Variants in TMEM50B observed in about 807,000 individuals in gnomAD.
TMEM50B encodes the protein HCV p7-trans-regulated protein 3.
A neutral mutation model predicts 23.4 loss-of-function variants in TMEM50B; 14 were observed. That is an observed-to-expected ratio of 0.60 (90% CI 0.39 to 0.93). The LOEUF (loss-of-function observed/expected upper bound fraction) is 0.93. Ranked by LOEUF, TMEM50B falls within the 40% of genes least tolerant of loss-of-function variation. The pLI is 0.00. For missense variants in TMEM50B, 159 were observed against 193.0 expected (o/e 0.82, Z 1.04); for synonymous variants, 64 against 62.3 (o/e 1.03, Z -0.13).
chr21:33,455,981 T>C, intron 5 of TMEM50B, 197 bp from the exon 6 acceptor site: 1 of 705,840 alleles, frequency 1.4e-6, no homozygotes, highest in East Asian at 2.7e-5. Context: ...GCTCTTACTC[T>C]GGATAAAAGT....
At chr21:33,473,457 GAAAA>G (rs35814774) in intron 1 of TMEM50B, among the ~76,000 whole-genome samples, 5 of 84,856 alleles carry the variant, frequency 5.9e-5, no homozygotes, top group Non-Finnish European at 4.4e-5. Context: ...TGTCTCGGAA[GAAAA>G]AAAAAAAAAA....
At chr21:33,453,239 A>AC (rs745723549) in intron 6 of TMEM50B, among the ~76,000 whole-genome samples, 4 of 151,996 alleles carry the variant, frequency 2.6e-5, no homozygotes, top group Non-Finnish European at 5.9e-5. Flanking sequence ...CCAGGCATGC[A>AC]CCACCATGCC....
chr21:33,471,817 C>T (rs961816476), intron 1 of TMEM50B, among the ~76,000 whole-genome samples: 1 of 151,908 alleles, frequency 6.6e-6, no homozygotes, highest in Non-Finnish European at 1.5e-5. Context: ...AGGCGGATCA[C>T]GAGGTCAGGA....
chr21:33,433,181 C>T (rs756332452), intron 8 of TMEM50B, among the ~76,000 whole-genome samples: 1 of 152,108 alleles, frequency 6.6e-6, no homozygotes, highest in African/African-American at 2.4e-5. Context: ...CCACTGCGCC[C>T]GGCCACGCAG....
chr21:33,461,388 T>C (rs1419060515), intron 4 of TMEM50B, among the ~76,000 whole-genome samples: 1 of 152,216 alleles, frequency 6.6e-6, no homozygotes, highest in African/African-American at 2.4e-5. Context: ...TTATCTAAAT[T>C]TTATTACAAT....
intron 6 of TMEM50B, among the ~76,000 whole-genome samples, chr21:33,454,081 C>T (rs1349254855): frequency 2.0e-5 from 2 of 99,380 alleles, no homozygotes; most frequent in Non-Finnish European, 3.6e-5. Flanking sequence ...TCAGCCTGGG[C>T]AACAGAGCGA....
At chr21:33,444,803 CAAAAA>C (rs60816843), downstream of TMEM50B, among the ~76,000 whole-genome samples, 5 of 96,304 alleles carry the variant, frequency 5.2e-5, no homozygotes, top group East Asian at 9.4e-4. Context: ...CATCTCTTTA[CAAAAA>C]AAAAAAAAAA....
At chr21:33,433,462 TAC>T (rs973770886) in intron 8 of TMEM50B, among the ~76,000 whole-genome samples, 1 of 152,228 alleles carries the variant, frequency 6.6e-6, no homozygotes, top group Non-Finnish European at 1.5e-5. Context: ...TGACACATCC[TAC>T]CACACACATG....
chr21:33,440,585 AAAT>A (rs947756409), intron 7 of TMEM50B, among the ~76,000 whole-genome samples: 2 of 151,226 alleles, frequency 1.3e-5, no homozygotes, highest in African/African-American at 2.4e-5. Flanking sequence ...TCTGTCTCAA[AAAT>A]AATAATAAAA....
chr21:33,451,847 C>T (rs202049422), intron 6 of TMEM50B, among the ~76,000 whole-genome samples: 1 of 139,136 alleles, frequency 7.2e-6, no homozygotes, highest in African/African-American at 2.8e-5. Flanking sequence ...CCAAGAACAG[C>T]TTTAAGAGAC....
chr21:33,436,028 T>G (rs903992029), intron 8 of TMEM50B, among the ~76,000 whole-genome samples: 1 of 151,722 alleles, frequency 6.6e-6, no homozygotes, highest in African/African-American at 2.4e-5. Context: ...GCCACTGCAC[T>G]CCAGCCTGGG....
intron 7 of TMEM50B, among the ~76,000 whole-genome samples, chr21:33,443,254 A>T (rs1171631009): frequency 6.6e-6 from 1 of 152,190 alleles, no homozygotes; most frequent in Non-Finnish European, 1.5e-5. Flanking sequence ...GTGTTTCTTG[A>T]CTATTTACTT....
chr21:33,478,190 A>C (rs2084391748), intron 1 of TMEM50B, among the ~76,000 whole-genome samples: 2 of 151,928 alleles, frequency 1.3e-5, no homozygotes, highest in African/African-American at 4.8e-5. Flanking sequence ...TTAAAAGGCC[A>C]GGCGCGGTGC....
intron 3 of TMEM50B, 131 bp from the exon 4 acceptor site, chr21:33,465,540 T>A (rs2084257952): frequency 3.1e-6 from 2 of 638,848 alleles, no homozygotes; most frequent in Admixed American, 3.6e-5. Flanking sequence ...TTAACATATT[T>A]TTAACCTAAT....
At chr21:33,441,445 AT>A (rs941345636) in intron 7 of TMEM50B, among the ~76,000 whole-genome samples, 11 of 152,166 alleles carry the variant, frequency 7.2e-5, no homozygotes, top group Admixed American at 6.5e-4. Flanking sequence ...AAAGGAAAAA[AT>A]GAGGATTAGA....
chr21:33,454,435 G>A (rs1391894765), intron 6 of TMEM50B, among the ~76,000 whole-genome samples: 1 of 151,946 alleles, frequency 6.6e-6, no homozygotes, highest in African/African-American at 2.4e-5. Flanking sequence ...CGAGTAGCTG[G>A]GATTACAGGC....
chr21:33,463,486 TTAAC>T (rs1257411203), intron 4 of TMEM50B, among the ~76,000 whole-genome samples: 7 of 152,046 alleles, frequency 4.6e-5, no homozygotes, highest in Non-Finnish European at 1.0e-4. Context: ...GGGAAGAGTA[TTAAC>T]TATAAAAAGG....
At chr21:33,448,010 C>T (rs11088253), downstream of TMEM50B, among the ~76,000 whole-genome samples, 88,961 of 152,010 alleles carry the variant, frequency 0.59, 28,072 homozygotes, top group East Asian at 0.83. Context: ...TTTTTATTTT[C>T]TAGACGGAGT....
At chr21:33,438,849 C>G (rs1292284871) in intron 8 of TMEM50B, among the ~76,000 whole-genome samples, 10 of 152,120 alleles carry the variant, frequency 6.6e-5, no homozygotes, top group Admixed American at 6.5e-4. Context: ...CCTGCCTCAG[C>G]CTCCCGAATA....
Sources: gnomAD v4.1 joint callset for allele counts (sites outside exome capture counted in the v4.1 genomes callset) on GRCh38, gnomAD v4.1.1 for gene constraint, MANE v1.5 for transcripts, NCBI Gene and HGNC (gene_info 2026-07-23, HGNC 2026-07-21) for gene names.